PMFBP1: variants seen among roughly 807,000 people sequenced by gnomAD.
PMFBP1 encodes polyamine modulated factor 1 binding protein 1.
In PMFBP1, 131 loss-of-function variants were observed where a neutral mutation model predicts 137.8. The ratio of observed to expected loss-of-function variants is 0.95; its 90% CI spans 0.82 to 1.10. The LOEUF (loss-of-function observed/expected upper bound fraction) is 1.10. PMFBP1 is among the 50% of genes least tolerant of loss of function. The pLI is 0.00. For missense variants in PMFBP1, 1,199 were observed against 1,175.4 expected, an observed-to-expected ratio of 1.02 and a Z score of -0.29; for synonymous variants, 490 against 450.4, an observed-to-expected ratio of 1.09 and a Z score of -1.11.
chr16:72,144,847 T>C (rs927043242), intron 5 of PMFBP1, among the ~76,000 whole-genome samples: 1 of 152,198 alleles, frequency 6.6e-6, no homozygotes, highest in Admixed American at 6.5e-5. Context: ...TAAATATATA[T>C]GCACCCAATA....
At chr16:72,136,044 C>T (rs2042626140) in intron 9 of PMFBP1, among the ~76,000 whole-genome samples, 2 of 152,094 alleles carry the variant, frequency 1.3e-5, no homozygotes, top group African/African-American at 2.4e-5. Context: ...CTTGAGCCAC[C>T]ATGCCCAGGC....
chr16:72,196,361 T>C, the PMFBP1 span, among the ~76,000 whole-genome samples: 3 of 152,194 alleles, frequency 2.0e-5, no homozygotes, highest in Non-Finnish European at 2.9e-5. Flanking sequence ...GTCTTCTCTG[T>C]GGTACAGAAC....
the PMFBP1 span, among the ~76,000 whole-genome samples, chr16:72,230,921 T>C: frequency 6.6e-6 from 1 of 152,172 alleles, no homozygotes; most frequent in African/African-American, 2.4e-5. Flanking sequence ...TAAACGGCAA[T>C]AGATATCAAT....
chr16:72,132,980 C>T lies in PMFBP1; in HGVS notation c.1215G>A (p.Glu405=), dbSNP rs776508395. ...LTLKKDKFLQ[E]KDEMLQELEK... ...CCAGCTCTTGCAGCATCTCATCTTT[C>T]TCTTGGAGGAACTGAAGACAGCAAA... Residue 405 remains glutamate, a synonymous_variant, in exon 10 of 21, where the codon GAG becomes GAA. Transcript: ENST00000237353. 1.9e-5 allele frequency: 30 copies of T among 1,613,960 alleles called. No homozygotes were observed. The African/African-American group carries it at 3.9e-4, about 21-fold the overall frequency.
chr16:72,230,763 G>A, the PMFBP1 span, among the ~76,000 whole-genome samples: 8 of 152,060 alleles, frequency 5.3e-5, no homozygotes, highest in East Asian at 1.9e-4. Context: ...CTCAGCTGTC[G>A]CTACCTTGGA....
chr16:72,142,391 T>C (rs187805360), intron 5 of PMFBP1, among the ~76,000 whole-genome samples: 1 of 152,314 alleles, frequency 6.6e-6, no homozygotes, highest in African/African-American at 2.4e-5. Context: ...TAGTGAAGTG[T>C]TGAATGGCTT....
In PMFBP1 at chr16:72,154,268, C is replaced by G. The variant is rs1273756224; in HGVS notation, c.357G>C (p.Glu119Asp). The change falls in exon 4 of 21, where the codon GAG becomes GAC. Residue 119 changes from glutamate to aspartate, a missense_variant. Physicochemically the swap from Glu to Asp is conservative, Grantham distance 45 (BLOSUM62 2). Coordinates refer to ENST00000237353, the MANE Select transcript of PMFBP1 (RefSeq NM_031293.3). The stretch of plus-strand genomic sequence containing the variant: ...GAAGAACCAGGTCGGAAGTCTGCTT[C>G]TCTAGGATGGACTGATACTGGCGGA... The part of the protein sequence containing the change: ...YSLRQYQSIL[E>D]KQTSDLVLLH... 1 of 1,614,122 alleles carries G rather than the reference C, an allele frequency of 6.2e-7. No individual in the cohort carries two copies. Among genetic ancestry groups the G allele is most frequent in the East Asian group, 2.2e-5 (1 of 44,878 alleles).
intron 9 of PMFBP1, among the ~76,000 whole-genome samples, chr16:72,135,167 T>C (rs1191112454): frequency 2.6e-5 from 4 of 152,018 alleles, no homozygotes; most frequent in Admixed American, 2.6e-4. Flanking sequence ...ATCAACTGGA[T>C]GATGATGATG....
chr16:72,142,110 A>G (rs1277080485), intron 5 of PMFBP1, among the ~76,000 whole-genome samples: 2 of 152,098 alleles, frequency 1.3e-5, no homozygotes, highest in Non-Finnish European at 2.9e-5. Context: ...AGTTAGGAAT[A>G]CTTCATGTTC....
rs1181176800 is a variant in PMFBP1, at chr16:72,164,881, G to C, written c.48C>G (p.Asn16Lys). ...CAAGTTGCAGGCTTAACAGCTTGCTGTTCAGGCTGCTCACTTCTCTGTCTC... is the reference window on the plus strand; with the variant it reads ...CAAGTTGCAGGCTTAACAGCTTGCTCTTCAGGCTGCTCACTTCTCTGTCTC... ...GERDREVSSLNSKLLSLQLDI... is the reference protein window; with the variant it reads ...GERDREVSSLKSKLLSLQLDI... The change falls in exon 3 of 21, where the codon AAC becomes AAG. Residue 16 changes from asparagine to lysine, a missense_variant. By Grantham distance (94) the Asn-to-Lys change is moderately conservative (BLOSUM62 0). Coordinates refer to ENST00000237353, the MANE Select transcript of PMFBP1 (RefSeq NM_031293.3). The C allele has an allele frequency of 6.2e-7, 1 of 1,604,976 alleles. No individual in the cohort carries two copies. Among genetic ancestry groups the C allele is most frequent in the Non-Finnish European group, 8.5e-7 (1 of 1,172,508 alleles).
chr16:72,231,038 T>C, the PMFBP1 span, among the ~76,000 whole-genome samples: 23 of 152,288 alleles, frequency 1.5e-4, no homozygotes, highest in African/African-American at 5.1e-4. Flanking sequence ...GAGAATCAAA[T>C]GAAATATAAC....
chr16:72,171,462 T>C, intron 1 of PMFBP1, 194 bp from the exon 2 acceptor site: 1 of 483,292 alleles, frequency 2.1e-6, no homozygotes, highest in Non-Finnish European at 3.7e-6. Context: ...AGGACCATGG[T>C]TTTACATCTT....
At chr16:72,137,105 A>AT (rs978930567) in intron 7 of PMFBP1, among the ~76,000 whole-genome samples, 1 of 151,904 alleles carries the variant, frequency 6.6e-6, no homozygotes. Context: ...TCCCAATGAA[A>AT]TTTTTTTAAA....
chr16:72,168,260 A>G (rs1320604095), intron 2 of PMFBP1, among the ~76,000 whole-genome samples: 2 of 152,218 alleles, frequency 1.3e-5, no homozygotes, highest in African/African-American at 4.8e-5. Flanking sequence ...TCAGAAAAGG[A>G]GTAAAAATGC....
the PMFBP1 span, among the ~76,000 whole-genome samples, chr16:72,196,107 GT>G: frequency 6.6e-6 from 1 of 151,744 alleles, no homozygotes; most frequent in Non-Finnish European, 1.5e-5. Flanking sequence ...ACTAACCCTG[GT>G]TGCTCTAATT....
At chr16:72,244,155 T>C in the PMFBP1 span, among the ~76,000 whole-genome samples, 4 of 152,050 alleles carry the variant, frequency 2.6e-5, no homozygotes, top group African/African-American at 9.7e-5. Context: ...ATTTTGCAAA[T>C]TAAAGTGATC....
upstream of PMFBP1, among the ~76,000 whole-genome samples, chr16:72,177,779 G>C (rs912751493): frequency 5.3e-5 from 8 of 152,096 alleles, no homozygotes; most frequent in Admixed American, 6.6e-5. Flanking sequence ...TATATCTTTA[G>C]ACTCCACTAA....
At chr16:72,160,363 A>G (rs534193524) in intron 3 of PMFBP1, among the ~76,000 whole-genome samples, 30 of 152,268 alleles carry the variant, frequency 2.0e-4, no homozygotes, top group Non-Finnish European at 4.4e-4. Context: ...TTTTCAGTCT[A>G]CAGGGACTTT....
At chr16:72,171,103 T>C (rs998468807) in intron 2 of PMFBP1, 94 bp downstream of exon 2, 13 of 1,400,566 alleles carry the variant, frequency 9.3e-6, no homozygotes, top group African/African-American at 4.4e-5. Flanking sequence ...TATTTTGTGA[T>C]GCTTATTACT....
Sources: allele counts gnomAD v4.1 joint callset (sites outside exome capture counted in the v4.1 genomes callset), GRCh38; gene constraint gnomAD v4.1.1; transcripts MANE v1.5; gene names NCBI Gene and HGNC (gene_info 2026-07-23, HGNC 2026-07-21).